Variants in PRSS54 observed in about 807,000 individuals in gnomAD.
The protein encoded by PRSS54 is serine protease 54.
In PRSS54, 16 loss-of-function variants were observed where a neutral mutation model predicts 19.9. The ratio of observed to expected loss-of-function variants is 0.80; its 90% confidence interval spans 0.54 to 1.22. PRSS54 has a LOEUF of 1.22. Among genes scored for constraint, PRSS54 ranks in the 50% most tolerant of loss-of-function variants. The probability of loss-of-function intolerance (pLI) is 0.00; values close to 1 mark genes in which losing one functional copy is unlikely to be tolerated. For missense variants in PRSS54, 444 were observed against 494.8 expected, an observed-to-expected ratio of 0.90 and a Z score of 0.97; for synonymous variants, 177 against 195.8, an observed-to-expected ratio of 0.90 and a Z score of 0.80.
chr16:58,291,216 C>G (rs1360561605), intron 3 of PRSS54, 80 bp from the exon 4 acceptor site: 11 of 1,342,266 alleles, frequency 8.2e-6, no homozygotes, highest in African/African-American at 1.5e-5. Flanking sequence ...CTGTCTCGAT[C>G]ATCACTAACG....
chr16:58,293,100 CGTGT>C (rs1965072907), intron 3 of PRSS54, among the ~76,000 whole-genome samples: 3 of 149,788 alleles, frequency 2.0e-5, no homozygotes, highest in Non-Finnish European at 4.5e-5. Flanking sequence ...TGTGTGTGTG[CGTGT>C]GTGTATGTGA....
At chr16:58,290,938 C>A in intron 4 of PRSS54, 21 bp downstream of exon 4, 1 of 1,612,262 alleles carries the variant, frequency 6.2e-7, no homozygotes, top group African/African-American at 1.3e-5. Context: ...TGTTGCGGGC[C>A]CCAAAGGCAG....
chr16:58,291,320 A>G (rs1965035233), intron 3 of PRSS54, among the ~76,000 whole-genome samples, 184 bp from the exon 4 acceptor site: 1 of 152,168 alleles, frequency 6.6e-6, no homozygotes, highest in South Asian at 2.1e-4. Flanking sequence ...ATTATGTTAG[A>G]CTACAAATAA....
rs11313996 is a variant in PRSS54 at position 58,284,817 on chromosome 16, A to ATT, written c.523-98_523-97dup. The ATT allele has an allele frequency of 9.1e-3, 10,016 of 1,098,130 alleles. 8 individuals carry two copies. Among genetic ancestry groups the ATT allele is most frequent in the East Asian group, 0.012 (436 of 36,038 alleles). The allele number at this position is 1,098,130 out of a possible 1,614,324, so 68.0% of individuals were successfully genotyped here. A position where few individuals can be genotyped will look rare whatever the true frequency, so the allele number is the denominator to read the frequency against. On this transcript the variant is annotated intron_variant, in intron 5 of 6. Coordinates refer to ENST00000567164, the MANE Select transcript of PRSS54 (RefSeq NM_001305173.2). Reference sequence around the variant, plus strand: ...CTCATATAGCCAAACGAGAGTGAGAATTTTTTTTTTTTTTTGAGTTGGAGT... The same window carrying ATT: ...CTCATATAGCCAAACGAGAGTGAGAATTTTTTTTTTTTTTTTTGAGTTGGAGT...
At chr16:58,287,054 A>C (rs528483134) in intron 4 of PRSS54, among the ~76,000 whole-genome samples, 1 of 152,218 alleles carries the variant, frequency 6.6e-6, no homozygotes, top group Non-Finnish European at 1.5e-5. Flanking sequence ...GGAAAATGAA[A>C]GATAAGGCCG....
Position 58,284,749 on chromosome 16 carries a change from A to AT in PRSS54, c.523-29dup, listed in dbSNP as rs748863511. ...GGACCATGCAACAGAGAGCCCAGGG[A>AT]TTATTAACGAGAAGGCAGTCCCCTA... On this transcript the variant is annotated intron_variant, in intron 5 of 6. Coordinates refer to ENST00000567164, the MANE Select transcript of PRSS54 (RefSeq NM_001305173.2). 2.5e-6 allele frequency: 4 copies of AT among 1,612,268 alleles called. No homozygotes were observed. The South Asian group carries it at 4.4e-5, about 18-fold the overall frequency.
At chr16:58,289,207 G>A (rs1964984911) in intron 4 of PRSS54, among the ~76,000 whole-genome samples, 1 of 152,190 alleles carries the variant, frequency 6.6e-6, no homozygotes, top group Non-Finnish European at 1.5e-5. Context: ...CCATCTGCAA[G>A]CCCAGGAGAG....
At chr16:58,283,574 A>G (rs982834770) in intron 6 of PRSS54, 3 of 152,186 alleles carry the variant, frequency 2.0e-5, no homozygotes, top group African/African-American at 4.8e-5. Flanking sequence ...GGTGCATTCT[A>G]TAATTGGCAG....
intron 1 of PRSS54, among the ~76,000 whole-genome samples, chr16:58,294,600 G>A (rs909341113): frequency 7.9e-5 from 12 of 152,140 alleles, no homozygotes; most frequent in South Asian, 6.2e-4. Flanking sequence ...GGCTGGTCTC[G>A]AACTCCTGAC....
At chr16:58,281,747 A>T (rs575767817) in intron 6 of PRSS54, 5 of 152,578 alleles carry the variant, frequency 3.3e-5, no homozygotes, top group South Asian at 4.1e-4. Flanking sequence ...AACAGGAAAC[A>T]ATCTGAACAG....
chr16:58,286,715 A>G (rs879460526), intron 4 of PRSS54, among the ~76,000 whole-genome samples: 1 of 152,200 alleles, frequency 6.6e-6, no homozygotes, highest in Non-Finnish European at 1.5e-5. Context: ...CCAAGAAACT[A>G]TGAGAATGAG....
At position 58,284,741 on chromosome 16, in the gene PRSS54, G is replaced by T. The variant is rs1964868580; in HGVS notation, c.523-20C>A. The stretch of plus-strand genomic sequence containing the variant: ...TCCTGTCTGGACCATGCAACAGAGA[G>T]CCCAGGGATTATTAACGAGAAGGCA... On this transcript the variant is annotated intron_variant, in intron 5 of 6. Coordinates refer to ENST00000567164, the MANE Select transcript of PRSS54 (RefSeq NM_001305173.2). 6.2e-7 allele frequency: 1 copy of T among 1,613,168 alleles called. No individual in the cohort carries two copies. The highest frequency in any genetic ancestry group is 8.5e-7 in the Non-Finnish European group (1 of 1,179,560).
At chr16:58,290,031 A>G (rs927900691) in intron 4 of PRSS54, among the ~76,000 whole-genome samples, 5 of 151,332 alleles carry the variant, frequency 3.3e-5, no homozygotes, top group Admixed American at 1.3e-4. Flanking sequence ...ACGTAATTAT[A>G]GATTATATAC....
intron 3 of PRSS54, among the ~76,000 whole-genome samples, chr16:58,291,853 AT>A (rs1451448615): frequency 6.6e-6 from 1 of 152,080 alleles, no homozygotes; most frequent in African/African-American, 2.4e-5. Context: ...GTATAGTAGA[AT>A]TTTCCAGAGG....
Position 58,285,996 on chromosome 16 carries a change from G to C in PRSS54, c.463C>G (p.Leu155Val). Residue 155 changes from leucine to valine, a missense_variant, in exon 5 of 7, where the codon CTG (leucine) becomes GTG (valine). Physicochemically the swap from Leu to Val is conservative, Grantham distance 32. Transcript: ENST00000567164. The stretch of plus-strand genomic sequence containing the variant: ...TTCTGCAAGACTGGTGGTGTATGCA[G>C]CATTCTGCCGAGGAAGCAGATGGAC... ...VQSICFLGRM[L>V]HTPPVLQNCW... 1.2e-6 allele frequency: 2 copies of C among 1,614,194 alleles called. No homozygotes were observed. Among genetic ancestry groups the C allele is most frequent in the Non-Finnish European group, 1.7e-6 (2 of 1,180,036 alleles).
rs368704231 is a variant in PRSS54, at chr16:58,280,686, G to A, written c.726C>T (p.Asn242=). The A allele has an allele frequency of 1.2e-5, 19 of 1,614,158 alleles. No homozygotes were observed. The highest frequency in any genetic ancestry group is 1.6e-5 in the Non-Finnish European group (19 of 1,180,030). Residue 242 remains asparagine (N), a synonymous_variant, in exon 7 of 7, where the codon AAC becomes AAT. Transcript: ENST00000567164. The part of the protein sequence containing the change: ...FDLWVLRGVL[N]FGGETCPGLF... ...GGCCAGGGCACGTCTCACCACCGAA[G>A]TTCAGGACTCCTCTCAGAACCCACA...
intron 4 of PRSS54, among the ~76,000 whole-genome samples, chr16:58,286,973 C>A (rs1341443096): frequency 1.3e-5 from 2 of 152,040 alleles, no homozygotes; most frequent in East Asian, 3.9e-4. Context: ...CCACAGAAAA[C>A]ACAATTAGGG....
rs748055233 is a variant in PRSS54, at chr16:58,285,949, A to G, written c.510T>C (p.Asn170=). 6 of 1,614,152 alleles carry G rather than the reference A, an allele frequency of 3.7e-6. No homozygotes were observed. Among genetic ancestry groups the G allele is most frequent in the Non-Finnish European group, 5.1e-6 (6 of 1,180,006 alleles). Reference sequence around the variant, plus strand: ...GGAATGCCTTAACTGCAGATGTGGGATTCCATCCTGACACCCAGCAGTTCT... The same window carrying G: ...GGAATGCCTTAACTGCAGATGTGGGGTTCCATCCTGACACCCAGCAGTTCT... ...VLQNCWVSGW[N]PTSATGNHMT... Residue 170 remains asparagine, a synonymous_variant, in exon 5 of 7, where the codon AAT becomes AAC. Transcript: ENST00000567164.
At chr16:58,282,089 ACCT>A in intron 6 of PRSS54, 1 of 149,682 alleles carries the variant, frequency 6.7e-6, no homozygotes, top group Non-Finnish European at 1.5e-5. Context: ...GCTCGCTGCA[ACCT>A]CCTCCTCCTG....
Sources: allele counts gnomAD v4.1 joint callset (sites outside exome capture counted in the v4.1 genomes callset), GRCh38; gene constraint gnomAD v4.1.1; transcripts MANE v1.5; gene names NCBI Gene and HGNC (gene_info 2026-07-23, HGNC 2026-07-21).